The following SMYD3 variants were observed in gnomAD, a reference collection of about 807,000 sequenced individuals.
SMYD3 encodes histone-lysine N-methyltransferase SMYD3.
SMYD3 carries 36 observed loss-of-function variants against 57.7 expected under a neutral mutation model. That is an observed-to-expected ratio of 0.62 (90% confidence interval 0.48 to 0.82). The LOEUF (loss-of-function observed/expected upper bound fraction) is 0.82, where lower values mean the gene tolerates loss of function less well. SMYD3 is among the 40% of genes least tolerant of loss of function. SMYD3 has a pLI of 0.00. For synonymous variants in SMYD3, 211 were observed against 195.0 expected (o/e 1.08, Z -0.68); for missense variants, 515 against 538.8 (o/e 0.96, Z 0.44).
chr1:245,778,682 G>A (rs1253520505), intron 10 of SMYD3, among the ~76,000 whole-genome samples: 1 of 152,178 alleles, frequency 6.6e-6, no homozygotes, highest in Admixed American at 6.5e-5. Flanking sequence ...ATGAGGCCAT[G>A]AACTCAAATA....
chr1:246,089,355 C>T (rs549764556), intron 5 of SMYD3, among the ~76,000 whole-genome samples: 1 of 152,286 alleles, frequency 6.6e-6, no homozygotes, highest in African/African-American at 2.4e-5. Flanking sequence ...ATAACCAAAA[C>T]ATTAGGCATG....
chr1:245,864,303 G>T (rs2051709225), intron 8 of SMYD3, among the ~76,000 whole-genome samples: 1 of 152,118 alleles, frequency 6.6e-6, no homozygotes, highest in African/African-American at 2.4e-5. Context: ...ACAAAAACTT[G>T]TTCACAAATA....
chr1:246,267,968 C>A (rs1347600868), intron 5 of SMYD3, among the ~76,000 whole-genome samples: 1 of 152,194 alleles, frequency 6.6e-6, no homozygotes, highest in Non-Finnish European at 1.5e-5. Flanking sequence ...AGGCCTCACA[C>A]ATTCACCATT....
chr1:245,773,235 C>G (rs1000161975), intron 10 of SMYD3, among the ~76,000 whole-genome samples: 4 of 152,118 alleles, frequency 2.6e-5, no homozygotes, highest in Middle Eastern at 3.4e-3. Context: ...TGGGCAGCAA[C>G]ACACAGGAAA....
chr1:245,926,851 T>C (rs60437660), intron 7 of SMYD3, among the ~76,000 whole-genome samples: 702 of 152,306 alleles, frequency 4.6e-3, no homozygotes, highest in African/African-American at 0.016. Context: ...TTGAAGTCCT[T>C]TGCGGCCCCA....
chr1:246,384,568 T>A (rs11591023), intron 1 of SMYD3, among the ~76,000 whole-genome samples: 43,422 of 151,914 alleles, frequency 0.29, 6,584 homozygotes, highest in Non-Finnish European at 0.34. Context: ...GCTAATTTTT[T>A]GTATTCTTAG....
chr1:245,799,912 C>T (rs2817474), intron 10 of SMYD3, among the ~76,000 whole-genome samples: 27,602 of 152,048 alleles, frequency 0.18, 3,403 homozygotes, highest in African/African-American at 0.35. Context: ...GTCCATCTGC[C>T]CACCTCATGC....
chr1:246,187,749 C>G (rs12130884), intron 5 of SMYD3, among the ~76,000 whole-genome samples: 10,598 of 152,216 alleles, frequency 0.07, 505 homozygotes, highest in African/African-American at 0.13. Flanking sequence ...GAATAGAAAA[C>G]TATGAATTAA....
rs1430009846 is a variant in SMYD3 at position 246,507,218 on chromosome 1, C to A, written c.-1G>T. Reference sequence around the variant, plus strand: ...ACTTTTCCACCTTCAGCGGCTCCATCCTCCCGCAGCTCCGGCACCTCAGAC... The same window carrying A: ...ACTTTTCCACCTTCAGCGGCTCCATACTCCCGCAGCTCCGGCACCTCAGAC... On this transcript the variant is annotated 5_prime_UTR_variant, in exon 1 of 12. Transcript: ENST00000490107. 1 of 1,516,180 alleles carries A rather than the reference C, an allele frequency of 6.6e-7. No homozygotes were observed. The highest frequency in any genetic ancestry group is 8.8e-7 in the Non-Finnish European group (1 of 1,129,976). 93.9% of individuals were successfully genotyped at this position (1,516,180 alleles called of 1,614,324 possible). A position where few individuals can be genotyped will look rare whatever the true frequency, so the allele number is the denominator to read the frequency against.
rs1422958104 is a variant in SMYD3, at chr1:246,055,564, G to A, written c.532-125627C>T. ...AGGTATTGGCACACCTTTGCTCGCTGCAGTACTATTCACAATAGCCAGAAG... is the reference window on the plus strand; with the variant it reads ...AGGTATTGGCACACCTTTGCTCGCTACAGTACTATTCACAATAGCCAGAAG... On this transcript the variant is annotated intron_variant, in intron 5 of 11. Coordinates refer to ENST00000490107, the MANE Select transcript of SMYD3 (RefSeq NM_001167740.2). 2.0e-5 allele frequency among the ~76,000 whole-genome samples: 3 copies of A among 152,218 alleles called. No individual in the cohort carries two copies. The South Asian group carries it at 6.2e-4, about 32-fold the overall frequency.
intron 5 of SMYD3, among the ~76,000 whole-genome samples, chr1:246,125,819 G>A (rs1572069239): frequency 6.6e-6 from 1 of 152,104 alleles, no homozygotes; most frequent in South Asian, 2.1e-4. Flanking sequence ...CGACAGAGAG[G>A]AAAACAGCCA....
intron 5 of SMYD3, among the ~76,000 whole-genome samples, chr1:246,096,793 G>A (rs1364179067): frequency 1.3e-5 from 2 of 151,908 alleles, no homozygotes; most frequent in Non-Finnish European, 2.9e-5. Flanking sequence ...GGTTATCATT[G>A]TAACTCTAAT....
intron 5 of SMYD3, among the ~76,000 whole-genome samples, chr1:246,156,177 T>C (rs888453155): frequency 2.6e-5 from 4 of 152,168 alleles, no homozygotes; most frequent in African/African-American, 9.7e-5. Flanking sequence ...CTTGGGCCTA[T>C]GAATCATTTC....
At chr1:246,182,114 C>A (rs979800627) in intron 5 of SMYD3, among the ~76,000 whole-genome samples, 1 of 152,106 alleles carries the variant, frequency 6.6e-6, no homozygotes, top group Non-Finnish European at 1.5e-5. Context: ...AAAGAGAGAC[C>A]AAGTAAAACC....
chr1:246,167,111 GGTACTTCA>G (rs1266358014), intron 5 of SMYD3, among the ~76,000 whole-genome samples: 1 of 152,136 alleles, frequency 6.6e-6, no homozygotes, highest in African/African-American at 2.4e-5. Context: ...AGCATGTATG[GGTACTTCA>G]TTCATTTGAT....
chr1:245,927,256 G>A (rs116068508), intron 7 of SMYD3, among the ~76,000 whole-genome samples: 522 of 152,318 alleles, frequency 3.4e-3, no homozygotes, highest in African/African-American at 0.012. Flanking sequence ...GGAGCAGCCC[G>A]TTTGCAGCTG....
chr1:246,182,046 C>T (rs2062560580), intron 5 of SMYD3, among the ~76,000 whole-genome samples: 1 of 152,128 alleles, frequency 6.6e-6, no homozygotes, highest in African/African-American at 2.4e-5. Context: ...ATATAAGGAA[C>T]AGAAAGAGAA....
chr1:246,301,376 G>T (rs752071086), intron 5 of SMYD3, among the ~76,000 whole-genome samples: 3 of 151,094 alleles, frequency 2.0e-5, no homozygotes, highest in Non-Finnish European at 2.9e-5. Flanking sequence ...GACAGGATGA[G>T]ATGAGTGCTG....
intron 1 of SMYD3, among the ~76,000 whole-genome samples, chr1:246,488,428 G>A (rs916453896): frequency 1.3e-5 from 2 of 152,190 alleles, no homozygotes; most frequent in African/African-American, 4.8e-5. Flanking sequence ...GGTGGCTCAT[G>A]CCTGTAATCC....
Sources: allele counts gnomAD v4.1 joint callset (sites outside exome capture counted in the v4.1 genomes callset), GRCh38; gene constraint gnomAD v4.1.1; transcripts MANE v1.5; gene names NCBI Gene and HGNC (gene_info 2026-07-23, HGNC 2026-07-21).